The following AZIN2 variants were observed in gnomAD, a reference collection of about 807,000 sequenced individuals.
The protein encoded by AZIN2 is ODC antizyme inhibitor-2.
In AZIN2, 28 loss-of-function variants were observed where a neutral mutation model predicts 47.8. The observed-to-expected ratio is 0.59, with a 90% CI of 0.43 to 0.80. AZIN2 has a LOEUF of 0.80. AZIN2 is among the 30% of genes least tolerant of loss of function. The probability of loss-of-function intolerance (pLI) is 0.00; values close to 1 mark genes in which losing one functional copy is unlikely to be tolerated. For missense variants in AZIN2, 535 were observed against 582.5 expected (o/e 0.92, Z 0.84); for synonymous variants, 221 against 239.4 (o/e 0.92, Z 0.71).
At chr1:33,083,845 C>T in intron 4 of AZIN2, 109 bp from the exon 5 acceptor site, 2 of 1,337,260 alleles carry the variant, frequency 1.5e-6, no homozygotes, top group East Asian at 2.3e-5. Context: ...AGCAGGGTAG[C>T]TCTGTGGCCA....
the AZIN2 span, among the ~76,000 whole-genome samples, chr1:33,155,572 A>G: frequency 6.6e-6 from 1 of 152,190 alleles, no homozygotes; most frequent in Non-Finnish European, 1.5e-5. Context: ...AAGGAAGGGC[A>G]CAGGCTCTGG....
At chr1:33,138,854 G>A in the AZIN2 span, among the ~76,000 whole-genome samples, 1 of 152,122 alleles carries the variant, frequency 6.6e-6, no homozygotes, top group Non-Finnish European at 1.5e-5. Flanking sequence ...ATTTGTAGGA[G>A]CCTGAGGAGC....
At chr1:33,093,710 C>A (rs1445758211) in intron 7 of AZIN2, among the ~76,000 whole-genome samples, 5 of 151,342 alleles carry the variant, frequency 3.3e-5, no homozygotes, top group Non-Finnish European at 7.4e-5. Flanking sequence ...TCTTGAGGGG[C>A]CTCTTTTCTT....
intron 10 of AZIN2, among the ~76,000 whole-genome samples, chr1:33,107,493 T>G (rs1181182683): frequency 1.3e-5 from 2 of 152,076 alleles, no homozygotes; most frequent in African/African-American, 4.8e-5. Flanking sequence ...GGCACAAGAA[T>G]CATTTGAGCC....
chr1:33,112,860 A>G (rs1426078693), intron 10 of AZIN2, among the ~76,000 whole-genome samples: 1 of 152,176 alleles, frequency 6.6e-6, no homozygotes, highest in Non-Finnish European at 1.5e-5. Context: ...TTAATTAGTA[A>G]TAGTTTATTT....
chr1:33,136,592 ACTC>A, the AZIN2 span, among the ~76,000 whole-genome samples: 150 of 150,356 alleles, frequency 1.0e-3, no homozygotes, highest in Non-Finnish European at 1.9e-3. Flanking sequence ...CTGGTCTTGA[ACTC>A]CTGGCCTCAA....
the AZIN2 span, chr1:33,142,130 C>G: frequency 3.9e-5 from 6 of 152,404 alleles, no homozygotes; most frequent in African/African-American, 1.4e-4. Context: ...CCTCCCACCT[C>G]CCTCCTAGCC....
rs1163369189 is a variant in AZIN2 at position 33,098,086 on chromosome 1, C to T, written c.936C>T (p.Ser312=). The T allele has an allele frequency of 1.2e-6, 2 of 1,614,006 alleles. No homozygotes were observed. The highest frequency in any genetic ancestry group is 1.7e-6 in the Non-Finnish European group (2 of 1,180,020). The change falls in exon 10 of 12, where the codon TCC becomes TCT. Residue 312 remains serine, a synonymous_variant. Coordinates refer to ENST00000294517, the MANE Select transcript of AZIN2 (RefSeq NM_052998.4). ...PGREEENGST[S]KTIVYHLDEG... ...CTGCAGAGGAAAATGGTTCCACCTC[C>T]AAGACCATCGTGTACCACCTTGATG...
chr1:33,098,379 A>G (rs1160807523), intron 10 of AZIN2, among the ~76,000 whole-genome samples, 200 bp downstream of exon 10: 1 of 152,230 alleles, frequency 6.6e-6, no homozygotes, highest in African/African-American at 2.4e-5. Context: ...TACTTTTTTC[A>G]TGACATTGGA....
At chr1:33,097,433 C>A (rs1643275063) in intron 9 of AZIN2, among the ~76,000 whole-genome samples, 1 of 152,186 alleles carries the variant, frequency 6.6e-6, no homozygotes, top group Non-Finnish European at 1.5e-5. Flanking sequence ...GGGCCCACAT[C>A]ACCAACATCA....
chr1:33,093,370 C>A lies in AZIN2; in HGVS notation c.541C>A (p.Leu181Met). 1 of 1,614,084 alleles carries A rather than the reference C, an allele frequency of 6.2e-7. No individual in the cohort carries two copies. Among genetic ancestry groups the A allele is most frequent in the South Asian group, 1.1e-5 (1 of 91,082 alleles). ...FGVSLKSCRH[L>M]LENAKKHHVE... ...AGTGTCACTGAAATCCTGCAGACACCTGCTTGAAAATGCGAAGAAGCACCA... is the reference window on the plus strand; with the variant it reads ...AGTGTCACTGAAATCCTGCAGACACATGCTTGAAAATGCGAAGAAGCACCA... The change falls in exon 7 of 12, where the codon CTG becomes ATG. Residue 181 changes from leucine (L) to methionine (M), a missense_variant. This residue lies in a region of AZIN2 where 409 missense variants were observed against 429.0 expected (regional missense o/e 0.95). Coordinates refer to ENST00000294517, the MANE Select transcript of AZIN2 (RefSeq NM_052998.4).
At chr1:33,160,680 C>T in the AZIN2 span, among the ~76,000 whole-genome samples, 2 of 152,158 alleles carry the variant, frequency 1.3e-5, no homozygotes, top group African/African-American at 2.4e-5. Flanking sequence ...GCTGGGATTA[C>T]AGGCGTGAGC....
chr1:33,144,002 TAAA>T, the AZIN2 span, among the ~76,000 whole-genome samples: 70 of 152,332 alleles, frequency 4.6e-4, no homozygotes, highest in African/African-American at 1.5e-3. Context: ...AAAAGATAAA[TAAA>T]CCTAGTCCTT....
chr1:33,107,820 T>TAAAAAAGGACATAAATAA (rs1553164571), intron 10 of AZIN2, among the ~76,000 whole-genome samples: 1 of 151,152 alleles, frequency 6.6e-6, no homozygotes, highest in Non-Finnish European at 1.5e-5. Context: ...ATGAAGGAGA[T>TAAAAAAGGACATAAATAA]AAAAAAGGAC....
downstream of AZIN2, among the ~76,000 whole-genome samples, chr1:33,128,252 C>A (rs933041387): frequency 1.3e-5 from 2 of 149,626 alleles, no homozygotes; most frequent in Admixed American, 6.7e-5. Context: ...CAAGCACCTG[C>A]GGTCCCAGCT....
the AZIN2 span, among the ~76,000 whole-genome samples, chr1:33,139,837 G>C: frequency 6.6e-6 from 1 of 152,138 alleles, no homozygotes. Flanking sequence ...CTGCTGTAGA[G>C]CTGCCATATG....
In AZIN2 at chr1:33,118,064, T is replaced by C. The variant is rs1283039093; in HGVS notation, c.1192T>C (p.Phe398Leu). Residue 398 changes from phenylalanine to leucine, a missense_variant, in exon 11 of 12, where the codon TTT (phenylalanine) becomes CTT (leucine). Around this residue, in one of 3 missense-constraint regions of AZIN2, gnomAD observed 122 missense variants for 135.8 expected, o/e 0.90. Transcript: ENST00000294517. ...GAYTVGMGSP[F>L]WGTQACHITY... Reference sequence around the variant, plus strand: ...CTACACTGTGGGCATGGGTTCCCCCTTTTGGGGGACCCAGGCCTGCCACAT... The same window carrying C: ...CTACACTGTGGGCATGGGTTCCCCCCTTTGGGGGACCCAGGCCTGCCACAT... 17 of 1,525,226 alleles carry C rather than the reference T, an allele frequency of 1.1e-5. No homozygotes were observed. The highest frequency in any genetic ancestry group is 1.5e-5 in the Non-Finnish European group (17 of 1,140,374). 94.5% of individuals were successfully genotyped at this position (1,525,226 alleles called of 1,614,324 possible). A position where few individuals can be genotyped will look rare whatever the true frequency, so the allele number is the denominator to read the frequency against.
chr1:33,159,818 T>A, the AZIN2 span: 1 of 1,613,912 alleles, frequency 6.2e-7, no homozygotes, highest in Non-Finnish European at 8.5e-7. The surrounding 1 kb of genome is among the most constrained non-coding windows in gnomAD (Gnocchi z 4.2). Context: ...TTCTGCTCGA[T>A]GTCGGTCAGC....
chr1:33,095,696 A>G (rs958585335), intron 8 of AZIN2, among the ~76,000 whole-genome samples: 4 of 152,238 alleles, frequency 2.6e-5, no homozygotes, highest in African/African-American at 7.2e-5. Flanking sequence ...AAATCTGCAT[A>G]TAACTTTTGA....
Sources: gnomAD v4.1 joint callset for allele counts (sites outside exome capture counted in the v4.1 genomes callset) on GRCh38, gnomAD v4.1.1 for gene constraint, gnomAD v4.1.1 regional missense constraint, Gnocchi (gnomAD v3.1) non-coding constraint, MANE v1.5 for transcripts, NCBI Gene and HGNC (gene_info 2026-07-23, HGNC 2026-07-21) for gene names.